The following FGF12 variants were observed in gnomAD, a reference collection of about 807,000 sequenced individuals.
FGF12 encodes fibroblast growth factor 12.
Under a neutral mutation model 23.6 loss-of-function variants are expected in FGF12, and 14 were observed. The ratio of observed to expected loss-of-function variants is 0.59; its 90% confidence interval spans 0.39 to 0.93. The LOEUF is 0.93. FGF12 is among the 40% of genes least tolerant of loss of function. The pLI, the probability that FGF12 is intolerant of heterozygous loss-of-function variation, is 0.00. For missense variants in FGF12, 175 were observed against 217.8 expected (o/e 0.80, Z 1.24); for synonymous variants, 62 against 77.3 (o/e 0.80, Z 1.04).
intron 2 of FGF12, among the ~76,000 whole-genome samples, chr3:192,636,247 A>G (rs1223530740): frequency 1.3e-5 from 2 of 152,240 alleles, no homozygotes; most frequent in Non-Finnish European, 2.9e-5. Context: ...ACTTTGATCC[A>G]TAGCTACCCT....
chr3:192,620,534 C>T (rs557875064), intron 2 of FGF12, among the ~76,000 whole-genome samples: 2 of 152,252 alleles, frequency 1.3e-5, no homozygotes, highest in African/African-American at 4.8e-5. Flanking sequence ...AGCCAGCATG[C>T]CACCAACCTG....
intron 2 of FGF12, among the ~76,000 whole-genome samples, chr3:192,370,512 C>T (rs1719180529): frequency 6.6e-6 from 1 of 152,090 alleles, no homozygotes; most frequent in Non-Finnish European, 1.5e-5. Flanking sequence ...CACTATACTC[C>T]AGCCTGGGAG....
intron 2 of FGF12, among the ~76,000 whole-genome samples, chr3:192,539,696 A>G (rs937921598): frequency 6.6e-6 from 1 of 151,900 alleles, no homozygotes; most frequent in Non-Finnish European, 1.5e-5. Flanking sequence ...CTTTTGCCCT[A>G]TTTTTCTGAA....
At chr3:192,154,877 A>T (rs13087180) in intron 5 of FGF12, among the ~76,000 whole-genome samples, 13,842 of 123,586 alleles carry the variant, frequency 0.11, 943 homozygotes, top group Middle Eastern at 0.16. Context: ...GTTTACCTAA[A>T]CAAGCCTGGG....
intron 4 of FGF12, among the ~76,000 whole-genome samples, chr3:192,175,195 G>A (rs1715787881): frequency 6.6e-6 from 1 of 152,168 alleles, no homozygotes; most frequent in African/African-American, 2.4e-5. Flanking sequence ...AAACAGGCAG[G>A]CTTGGGGTCA....
chr3:192,517,713 A>T (rs902052507), intron 2 of FGF12, among the ~76,000 whole-genome samples: 3 of 152,238 alleles, frequency 2.0e-5, no homozygotes, highest in African/African-American at 7.2e-5. Flanking sequence ...ATATATCAAC[A>T]TAAGTTTCTA....
chr3:192,402,761 T>C (rs1720815268), intron 2 of FGF12, among the ~76,000 whole-genome samples: 1 of 152,150 alleles, frequency 6.6e-6, no homozygotes, highest in South Asian at 2.1e-4. Flanking sequence ...CAAGTTATTA[T>C]TATTAAAATT....
chr3:192,469,713 TG>T (rs1472761463), intron 2 of FGF12, among the ~76,000 whole-genome samples: 1 of 152,202 alleles, frequency 6.6e-6, no homozygotes, highest in Non-Finnish European at 1.5e-5. Context: ...CCACAATGTT[TG>T]TAGTTGTGGA....
intron 4 of FGF12, among the ~76,000 whole-genome samples, chr3:192,252,892 A>G (rs1171374996): frequency 1.3e-5 from 2 of 152,130 alleles, no homozygotes; most frequent in Non-Finnish European, 2.9e-5. Flanking sequence ...CTTTTGAAAC[A>G]TTGCTCTCAT....
chr3:192,363,315 T>C (rs1176763469), intron 2 of FGF12, among the ~76,000 whole-genome samples: 18 of 152,052 alleles, frequency 1.2e-4, no homozygotes, highest in Admixed American at 1.2e-3. Flanking sequence ...CTGTGAATGA[T>C]TGTTTGTTTT....
chr3:192,344,388 T>C (rs1263595262), intron 3 of FGF12, among the ~76,000 whole-genome samples: 2 of 152,202 alleles, frequency 1.3e-5, no homozygotes, highest in African/African-American at 4.8e-5. Flanking sequence ...TATTCCATCT[T>C]CTATTATTGA....
At chr3:192,585,645 G>C (rs1713342721) in intron 2 of FGF12, among the ~76,000 whole-genome samples, 1 of 152,026 alleles carries the variant, frequency 6.6e-6, no homozygotes, top group Non-Finnish European at 1.5e-5. Context: ...AGGAGGGGTT[G>C]CGTGACATTT....
intron 2 of FGF12, among the ~76,000 whole-genome samples, chr3:192,700,885 G>A (rs1718271446): frequency 1.3e-5 from 2 of 152,168 alleles, no homozygotes; most frequent in African/African-American, 4.8e-5. Flanking sequence ...AGCAGGCCCT[G>A]AAAGAAATTG....
At chr3:192,285,250 G>C (rs1214594776) in intron 4 of FGF12, among the ~76,000 whole-genome samples, 2 of 151,970 alleles carry the variant, frequency 1.3e-5, no homozygotes, top group African/African-American at 4.8e-5. Context: ...TTACAGATGA[G>C]CTATATAAGC....
intron 2 of FGF12, among the ~76,000 whole-genome samples, chr3:192,474,415 G>A (rs1723258958): frequency 1.3e-5 from 2 of 152,082 alleles, no homozygotes; most frequent in Admixed American, 6.6e-5. Context: ...ACCCAGATTT[G>A]GCCAATTATA....
chr3:192,196,192 C>T (rs899675382), intron 4 of FGF12, among the ~76,000 whole-genome samples: 5 of 152,054 alleles, frequency 3.3e-5, no homozygotes, highest in African/African-American at 1.2e-4. Flanking sequence ...ATTGGCACTC[C>T]CATGTTTATT....
At chr3:192,456,479 T>C (rs1225303146) in intron 2 of FGF12, among the ~76,000 whole-genome samples, 1 of 152,188 alleles carries the variant, frequency 6.6e-6, no homozygotes, top group Non-Finnish European at 1.5e-5. Flanking sequence ...ATAAATGTGA[T>C]ACAGGCTTAT....
intron 2 of FGF12, among the ~76,000 whole-genome samples, chr3:192,592,128 T>G (rs1312640455): frequency 6.6e-6 from 1 of 151,798 alleles, no homozygotes; most frequent in East Asian, 1.9e-4. Context: ...AATTCTAGAA[T>G]TATAATTGCT....
chr3:192,232,179 C>T (rs1719056788), intron 4 of FGF12, among the ~76,000 whole-genome samples: 1 of 152,032 alleles, frequency 6.6e-6, no homozygotes, highest in African/African-American at 2.4e-5. Context: ...CAGTGAAAGA[C>T]ATTTCAATGG....
Sources: gnomAD v4.1 joint callset for allele counts (sites outside exome capture counted in the v4.1 genomes callset) on GRCh38, gnomAD v4.1.1 for gene constraint, MANE v1.5 for transcripts, NCBI Gene and HGNC (gene_info 2026-07-23, HGNC 2026-07-21) for gene names.